DENND2B: variants seen among roughly 807,000 people sequenced by gnomAD.
DENND2B encodes the protein DENN domain containing 2B.
Under a neutral mutation model 116.0 loss-of-function variants are expected in DENND2B, and 32 were observed. That is an observed-to-expected ratio of 0.28 (90% confidence interval 0.21 to 0.37). DENND2B has a LOEUF of 0.37. Among genes scored for constraint, DENND2B ranks in the 10% least tolerant of loss-of-function variants. DENND2B has a pLI of 1.00. For synonymous variants in DENND2B, 588 were observed against 583.9 expected, an observed-to-expected ratio of 1.01 and a Z score of -0.10; for missense variants, 1,276 against 1,477.7, an observed-to-expected ratio of 0.86 and a Z score of 2.24.
intron 2 of DENND2B, among the ~76,000 whole-genome samples, chr11:8,876,961 GAGTA>G (rs2134721187): frequency 7.1e-6 from 1 of 140,572 alleles, no homozygotes; most frequent in Admixed American, 7.3e-5. Context: ...CTGGATCTGA[GAGTA>G]AATGAGAGGA....
intron 2 of DENND2B, among the ~76,000 whole-genome samples, chr11:8,737,502 G>A (rs2049275500): frequency 6.6e-6 from 1 of 152,122 alleles, no homozygotes; most frequent in South Asian, 2.1e-4. Flanking sequence ...TTGGTAGAGA[G>A]GTAGGAAGGG....
chr11:8,737,405 G>T (rs2049250521), intron 2 of DENND2B, among the ~76,000 whole-genome samples: 1 of 152,196 alleles, frequency 6.6e-6, no homozygotes, highest in Non-Finnish European at 1.5e-5. Flanking sequence ...GTGATCAACT[G>T]AGTCAAACCT....
upstream of DENND2B, among the ~76,000 whole-genome samples, chr11:8,875,453 GAGAA>G (rs1462895450): frequency 1.4e-5 from 2 of 148,038 alleles, no homozygotes; most frequent in South Asian, 2.1e-4. Flanking sequence ...TATTTTTTTT[GAGAA>G]AGAGTCTCTG....
intron 1 of DENND2B, among the ~76,000 whole-genome samples, chr11:8,893,072 G>C (rs10840144): frequency 0.87 from 133,088 of 152,130 alleles, 59,881 homozygotes; most frequent in East Asian, 1. Flanking sequence ...CTTCATCCCT[G>C]GGATGCAAGG....
rs2292048 is a variant in DENND2B, at chr11:8,711,016, T to C, written c.2283-102A>G. On this transcript the variant is annotated intron_variant, in intron 10 of 19. Transcript: ENST00000313726. ...TTTTCACGTGGGGTGAAGGGCCAGG[T>C]TGCTGTAGGAGAGGATGAGACTAGA... 7.6e-4 allele frequency: 1,195 copies of C among 1,565,274 alleles called. 13 individuals are homozygous for C. The East Asian group carries it at 0.022, about 29-fold the overall frequency.
chr11:8,733,162 C>G (rs943820414), intron 2 of DENND2B, among the ~76,000 whole-genome samples: 1 of 152,212 alleles, frequency 6.6e-6, no homozygotes, highest in African/African-American at 2.4e-5. Context: ...GAGGTGTGAA[C>G]AGAGTAAGCC....
intron 3 of DENND2B, among the ~76,000 whole-genome samples, chr11:8,841,665 C>A (rs564200959): frequency 6.6e-6 from 1 of 152,206 alleles, no homozygotes; most frequent in South Asian, 2.1e-4. Context: ...AAAAGAAAAA[C>A]GTGTTTTGTA....
At chr11:8,894,943 T>G (rs557463389) in intron 1 of DENND2B, among the ~76,000 whole-genome samples, 11 of 152,310 alleles carry the variant, frequency 7.2e-5, no homozygotes, top group Middle Eastern at 3.4e-3. Context: ...TAAAGACACA[T>G]GCACACGTAT....
chr11:8,694,227 G>A (rs1811484624), intron 19 of DENND2B, 97 bp from the exon 20 acceptor site: 1 of 1,366,728 alleles, frequency 7.3e-7, no homozygotes, highest in African/African-American at 1.4e-5. Context: ...CAGTGGGAGA[G>A]GAAGGATTAG....
At chr11:8,699,980 C>T in intron 14 of DENND2B, 1 of 456,294 alleles carries the variant, frequency 2.2e-6, no homozygotes, top group South Asian at 1.5e-5. Context: ...GATCGTCCCT[C>T]CCAGAATGGT....
At chr11:8,879,291 C>A (rs1205131533) in intron 2 of DENND2B, among the ~76,000 whole-genome samples, 2 of 152,184 alleles carry the variant, frequency 1.3e-5, no homozygotes, top group African/African-American at 2.4e-5. Flanking sequence ...GAGACTGTAG[C>A]GGACCGGATC....
intron 1 of DENND2B, among the ~76,000 whole-genome samples, chr11:8,798,702 A>G (rs567242636): frequency 1.4e-4 from 22 of 152,054 alleles, no homozygotes; most frequent in South Asian, 2.1e-4. Flanking sequence ...AAATGGAGGG[A>G]AAAAAAACCC....
chr11:8,889,266 T>C (rs1051316629), intron 1 of DENND2B, among the ~76,000 whole-genome samples: 6 of 152,248 alleles, frequency 3.9e-5, no homozygotes, highest in South Asian at 4.2e-4. Flanking sequence ...GGACAGGTGG[T>C]TCCAAGATGG....
intron 3 of DENND2B, among the ~76,000 whole-genome samples, chr11:8,848,905 G>A (rs1221507669): frequency 2.6e-5 from 4 of 151,688 alleles, no homozygotes; most frequent in African/African-American, 9.7e-5. Context: ...AAAAAAAACA[G>A]TAAAGCAGAT....
intron 2 of DENND2B, among the ~76,000 whole-genome samples, chr11:8,867,549 C>G (rs1005046191): frequency 6.9e-6 from 1 of 145,230 alleles, no homozygotes. Flanking sequence ...TTTTACCTTA[C>G]TAGTACCAAG....
upstream of DENND2B, among the ~76,000 whole-genome samples, chr11:8,813,399 A>G (rs1383051895): frequency 2.0e-5 from 3 of 152,142 alleles, no homozygotes; most frequent in African/African-American, 7.2e-5. Context: ...AAAGAAAGAC[A>G]AAGAAAGACA....
At chr11:8,829,415 G>C (rs2134576620) in intron 4 of DENND2B, among the ~76,000 whole-genome samples, 1 of 152,074 alleles carries the variant, frequency 6.6e-6, no homozygotes, top group South Asian at 2.1e-4. Context: ...CCTTAGAAAG[G>C]CACCACACTG....
chr11:8,739,935 C>G (rs2049898620), intron 2 of DENND2B, among the ~76,000 whole-genome samples: 1 of 151,960 alleles, frequency 6.6e-6, no homozygotes, highest in Non-Finnish European at 1.5e-5. Flanking sequence ...CCTCTAATTC[C>G]AACAATTTGA....
chr11:8,696,755 C>T (rs1050604543), intron 17 of DENND2B, 89 bp from the exon 18 acceptor site: 7 of 1,545,874 alleles, frequency 4.5e-6, no homozygotes, highest in South Asian at 1.2e-5. Context: ...CTCTCCCCAA[C>T]AAGACTTCCA....
Sources: allele counts gnomAD v4.1 joint callset (sites outside exome capture counted in the v4.1 genomes callset), GRCh38; gene constraint gnomAD v4.1.1; transcripts MANE v1.5; gene names NCBI Gene and HGNC (gene_info 2026-07-23, HGNC 2026-07-21).